The following GPM6A variants were observed in gnomAD, a reference collection of about 807,000 sequenced individuals.
GPM6A encodes neuronal membrane glycoprotein M6-a.
In GPM6A, 7 loss-of-function variants were observed where a neutral mutation model predicts 32.1. That is an observed-to-expected ratio of 0.22 (90% CI 0.12 to 0.41). The LOEUF (loss-of-function observed/expected upper bound fraction) is 0.41, where lower values mean the gene tolerates loss of function less well. Ranked by LOEUF, GPM6A falls within the 10% of genes least tolerant of loss-of-function variation. GPM6A has a pLI of 1.00. For missense variants in GPM6A, 235 were observed against 347.2 expected (o/e 0.68, Z 2.57); for synonymous variants, 130 against 123.4 (o/e 1.05, Z -0.35).
chr4:175,673,829 T>C lies in GPM6A; in HGVS notation c.238A>G (p.Ile80Val). The C allele has an allele frequency of 1.3e-6, 2 of 1,592,266 alleles. No individual in the cohort carries two copies. The highest frequency in any genetic ancestry group is 1.7e-6 in the Non-Finnish European group (2 of 1,164,448). ...DTLDVFTMID[I>V]FKYVIYGIAA... ...ATGCCGTAGATCACATACTTAAAGA[T>C]GTCAATCCTGAGAGAAAAGACAAAG... The change falls in exon 3 of 7, where the codon ATC becomes GTC. Residue 80 changes from isoleucine to valine, a missense_variant. This residue lies in a region of GPM6A where 101 missense variants were observed against 171.2 expected (regional missense o/e 0.59). Coordinates refer to ENST00000393658, the MANE Select transcript of GPM6A (RefSeq NM_201591.3).
At chr4:175,652,494 G>A (rs892104884) in intron 3 of GPM6A, among the ~76,000 whole-genome samples, 3 of 151,742 alleles carry the variant, frequency 2.0e-5, no homozygotes, top group African/African-American at 4.8e-5. Context: ...ATATTAGTGT[G>A]TACTCTTCTA....
intron 1 of GPM6A, among the ~76,000 whole-genome samples, chr4:175,862,344 T>C (rs956225179): frequency 6.6e-5 from 10 of 152,212 alleles, no homozygotes; most frequent in African/African-American, 2.2e-4. Flanking sequence ...TCTAACAGTA[T>C]AGTAGTAGAC....
chr4:175,743,944 C>A (rs1252593613), intron 1 of GPM6A, among the ~76,000 whole-genome samples: 1 of 142,910 alleles, frequency 7.0e-6, no homozygotes. Context: ...AGTTGTACAT[C>A]AATATCTAAT....
intron 1 of GPM6A, chr4:175,962,289 C>G: frequency 7.7e-7 from 1 of 1,294,036 alleles, no homozygotes; most frequent in Non-Finnish European, 1.1e-6. Flanking sequence ...ACCACAGACA[C>G]CAGAAGTAAA....
At chr4:175,725,295 G>T (rs199507799) in intron 1 of GPM6A, among the ~76,000 whole-genome samples, 11 of 130,328 alleles carry the variant, frequency 8.4e-5, no homozygotes, top group South Asian at 2.4e-4. Context: ...TTGGGTTTTT[G>T]TTTTTTTTTT....
chr4:175,715,425 G>C (rs917165434), intron 1 of GPM6A, among the ~76,000 whole-genome samples: 1 of 152,214 alleles, frequency 6.6e-6, no homozygotes, highest in Non-Finnish European at 1.5e-5. Context: ...GGATGTCCAG[G>C]ATGGTTTCTT....
chr4:175,686,346 T>C (rs1327291538), intron 2 of GPM6A, among the ~76,000 whole-genome samples: 6 of 152,230 alleles, frequency 3.9e-5, no homozygotes, highest in African/African-American at 1.4e-4. Context: ...CTGACACCTA[T>C]GAATATTACT....
chr4:175,792,304 G>A (rs1462310883), intron 1 of GPM6A, among the ~76,000 whole-genome samples: 1 of 152,092 alleles, frequency 6.6e-6, no homozygotes, highest in Non-Finnish European at 1.5e-5. Flanking sequence ...AAAGTATTAA[G>A]CTCACAGCAT....
chr4:175,856,467 C>T (rs555102716), intron 1 of GPM6A, among the ~76,000 whole-genome samples: 2 of 152,310 alleles, frequency 1.3e-5, no homozygotes, highest in East Asian at 1.9e-4. Context: ...GGGTTGCCCA[C>T]GACCTCTGGA....
At chr4:175,933,344 C>T (rs1231825370) in intron 1 of GPM6A, among the ~76,000 whole-genome samples, 1 of 152,124 alleles carries the variant, frequency 6.6e-6, no homozygotes, top group African/African-American at 2.4e-5. Flanking sequence ...GTTGACAACA[C>T]TTCCTGTAAG....
At chr4:175,994,365 C>T (rs144617427) in intron 1 of GPM6A, among the ~76,000 whole-genome samples, 1 of 152,124 alleles carries the variant, frequency 6.6e-6, no homozygotes, top group South Asian at 2.1e-4. Context: ...AAAAATAGTG[C>T]AGGCATGCCT....
chr4:175,695,117 G>C (rs1262583170), intron 2 of GPM6A, among the ~76,000 whole-genome samples: 2 of 152,212 alleles, frequency 1.3e-5, no homozygotes, highest in Admixed American at 1.3e-4. Context: ...GATTTCAGAA[G>C]ATATGCAGAA....
At chr4:175,687,798 A>C (rs73020151) in intron 2 of GPM6A, among the ~76,000 whole-genome samples, 7,160 of 152,252 alleles carry the variant, frequency 0.047, 203 homozygotes, top group Non-Finnish European at 0.063. Context: ...AGCATCAGTG[A>C]ACACTAGGGT....
intron 1 of GPM6A, among the ~76,000 whole-genome samples, chr4:175,840,598 C>T (rs1238858313): frequency 6.6e-6 from 1 of 152,160 alleles, no homozygotes; most frequent in African/African-American, 2.4e-5. Context: ...CGCTTGAACC[C>T]AGGAGGCGGA....
intron 1 of GPM6A, among the ~76,000 whole-genome samples, chr4:175,846,225 A>G (rs1736082890): frequency 6.6e-6 from 1 of 152,132 alleles, no homozygotes; most frequent in Admixed American, 6.6e-5. Flanking sequence ...GGCTTATTTG[A>G]TAATCTGATA....
chr4:175,730,770 G>A (rs902513507), intron 1 of GPM6A, among the ~76,000 whole-genome samples: 3 of 152,058 alleles, frequency 2.0e-5, no homozygotes, highest in Non-Finnish European at 4.4e-5. Flanking sequence ...CACCGCTGCT[G>A]GCCGTTCTCG....
At chr4:175,825,065 T>C (rs1213019213) in intron 1 of GPM6A, among the ~76,000 whole-genome samples, 3 of 152,236 alleles carry the variant, frequency 2.0e-5, no homozygotes, top group South Asian at 2.1e-4. Flanking sequence ...AATTTCTAGA[T>C]ACTTTTTGAG....
chr4:175,769,080 G>A (rs899016249), intron 1 of GPM6A, among the ~76,000 whole-genome samples: 1 of 152,010 alleles, frequency 6.6e-6, no homozygotes, highest in African/African-American at 2.4e-5. Context: ...GGGCAGCAGA[G>A]TGAGACTCTG....
chr4:175,723,988 A>G (rs919850179), intron 1 of GPM6A, among the ~76,000 whole-genome samples: 1 of 152,236 alleles, frequency 6.6e-6, no homozygotes, highest in Non-Finnish European at 1.5e-5. Context: ...AAAGGAAATC[A>G]GTATACCTAT....
Sources: allele counts gnomAD v4.1 joint callset (sites outside exome capture counted in the v4.1 genomes callset), GRCh38; gene constraint gnomAD v4.1.1; regional missense constraint gnomAD v4.1.1; transcripts MANE v1.5; gene names NCBI Gene and HGNC (gene_info 2026-07-23, HGNC 2026-07-21).